Variants in ROCK1 observed in about 807,000 individuals in gnomAD.
ROCK1 encodes Rho associated coiled-coil containing protein kinase 1.
Under a neutral mutation model 196.8 loss-of-function variants are expected in ROCK1, and 36 were observed. That is an observed-to-expected ratio of 0.18 (90% CI 0.14 to 0.24). ROCK1 has a LOEUF of 0.24. ROCK1 is among the 10% of genes least tolerant of loss of function. ROCK1 has a pLI of 1.00. For synonymous variants in ROCK1, 443 were observed against 515.9 expected, an observed-to-expected ratio of 0.86 and a Z score of 1.91; for missense variants, 920 against 1,562.0, an observed-to-expected ratio of 0.59 and a Z score of 6.93.
intron 3 of ROCK1, among the ~76,000 whole-genome samples, chr18:21,049,443 T>C (rs1189846064): frequency 1.3e-5 from 2 of 152,202 alleles, no homozygotes; most frequent in Non-Finnish European, 1.5e-5. Context: ...AATTTTTATT[T>C]CCTATATTAC....
chr18:21,050,958 T>C (rs193114870), intron 2 of ROCK1, among the ~76,000 whole-genome samples: 14 of 152,238 alleles, frequency 9.2e-5, no homozygotes, highest in African/African-American at 3.4e-4. Flanking sequence ...GTTCAAACTC[T>C]AGCAAATAAA....
intron 27 of ROCK1, among the ~76,000 whole-genome samples, chr18:20,965,202 C>T (rs1264194518): frequency 6.6e-6 from 1 of 151,794 alleles, no homozygotes; most frequent in African/African-American, 2.4e-5. Context: ...CCAGCCTGGG[C>T]AATATGGTGA....
chr18:20,958,933 T>A (rs1290555186), intron 29 of ROCK1, among the ~76,000 whole-genome samples: 1 of 88,398 alleles, frequency 1.1e-5, no homozygotes, highest in Non-Finnish European at 2.1e-5. Context: ...ATATATATAT[T>A]ATATAAAAAA....
intron 1 of ROCK1, among the ~76,000 whole-genome samples, chr18:21,088,761 CT>C (rs1019259196): frequency 6.6e-6 from 1 of 151,976 alleles, no homozygotes; most frequent in Non-Finnish European, 1.5e-5. Context: ...AGTTTGGACC[CT>C]TTTTGTCCTT....
chr18:21,050,584 T>C, intron 2 of ROCK1, among the ~76,000 whole-genome samples: 1 of 152,166 alleles, frequency 6.6e-6, no homozygotes, highest in East Asian at 1.9e-4. Flanking sequence ...GGGTCAACAC[T>C]GGCATGAGAT....
rs1456759900 is a variant in ROCK1 at position 21,111,005 on chromosome 18, G to A, written c.-95C>T. 1.0e-6 allele frequency: 1 copy of A among 997,306 alleles called. No homozygotes were observed. The highest frequency in any genetic ancestry group is 1.6e-6 in the Non-Finnish European group (1 of 642,238). The allele number at this position is 997,306 out of a possible 1,614,324, so 61.8% of individuals were successfully genotyped here. On this transcript the variant is annotated 5_prime_UTR_variant, in exon 1 of 33. Coordinates refer to ENST00000399799, the MANE Select transcript of ROCK1 (RefSeq NM_005406.3). The surrounding 1 kb of genome is among the most constrained non-coding windows in gnomAD (Gnocchi z 4.2). ...CGCGGTGGGTTCGCAGCCGCGGGGC[G>A]GAGGAGCCGGAACCTCAGGGTCACC...
rs775703062 is a variant in ROCK1, at chr18:20,960,211, G to A, written c.3353-5C>T. 6.5e-6 allele frequency: 10 copies of A among 1,536,760 alleles called. No individual in the cohort carries two copies. The highest frequency in any genetic ancestry group is 3.4e-4 in the Middle Eastern group (2 of 5,942). On this transcript the variant is annotated splice_region_variant and splice_polypyrimidine_tract_variant and intron_variant, in intron 27 of 32. Coordinates refer to ENST00000399799, the MANE Select transcript of ROCK1 (RefSeq NM_005406.3). ...GCCAACCTTCAATTCTTGACTCTAG[G>A]AGAAAAAGAATATATGTATTAGTCA...
chr18:21,106,145 G>A (rs1290118658), intron 1 of ROCK1, among the ~76,000 whole-genome samples: 4 of 152,192 alleles, frequency 2.6e-5, no homozygotes, highest in Non-Finnish European at 4.4e-5. Context: ...CCGCTCACCC[G>A]TTGCTACACC....
intron 6 of ROCK1, among the ~76,000 whole-genome samples, chr18:21,043,309 T>TGA (rs2036123944): frequency 6.6e-6 from 1 of 152,080 alleles, no homozygotes; most frequent in Admixed American, 6.5e-5. Context: ...ACTGAATGTC[T>TGA]ATTTGATGTG....
chr18:21,075,969 AAAG>A (rs2143560181), intron 1 of ROCK1, among the ~76,000 whole-genome samples: 1 of 150,984 alleles, frequency 6.6e-6, no homozygotes, highest in East Asian at 2.0e-4. Context: ...AAAAAAAAGG[AAAG>A]AAAAAAAAGA....
At chr18:21,058,078 T>A (rs1030196030) in intron 2 of ROCK1, among the ~76,000 whole-genome samples, 5 of 152,182 alleles carry the variant, frequency 3.3e-5, no homozygotes, top group Admixed American at 6.5e-5. Flanking sequence ...TAGAACAAAC[T>A]GTATACAGTA....
intron 1 of ROCK1, among the ~76,000 whole-genome samples, chr18:21,094,741 C>A (rs1414403137): frequency 2.1e-4 from 13 of 60,666 alleles, no homozygotes; most frequent in African/African-American, 6.7e-4. Flanking sequence ...AAAATGAGAT[C>A]CTGTCTCAAA....
At chr18:21,079,995 T>C (rs569707592) in intron 1 of ROCK1, among the ~76,000 whole-genome samples, 3 of 152,216 alleles carry the variant, frequency 2.0e-5, no homozygotes, top group African/African-American at 4.8e-5. Context: ...GGGGAGTGCA[T>C]GTTGAAGACG....
rs544010320 is a variant in ROCK1 at position 21,007,043 on chromosome 18, A to G, written c.1547-253T>C. On this transcript the variant is annotated intron_variant, in intron 14 of 32. Transcript: ENST00000399799. ...AATCTCAAACTCCTTTATTCCCTTTATAAGATCACTGATAGTATACTTATA... is the reference window on the plus strand; with the variant it reads ...AATCTCAAACTCCTTTATTCCCTTTGTAAGATCACTGATAGTATACTTATA... 6.6e-4 allele frequency among the ~76,000 whole-genome samples: 101 copies of G among 152,248 alleles called. No homozygotes were observed. The Middle Eastern group carries it at 0.02, about 31-fold the overall frequency.
At position 21,075,103 on chromosome 18, in the gene ROCK1, C is replaced by T. The variant is rs1226190532; in HGVS notation, c.94-4490G>A. 2.0e-5 allele frequency among the ~76,000 whole-genome samples: 3 copies of T among 152,268 alleles called. No individual in the cohort carries two copies. The South Asian group carries it at 6.2e-4, about 32-fold the overall frequency. ...GAATTTACCTTCTGATAATTTGGAA[C>T]CACAGGAATTTCTGCGGGGGAGAAA... On this transcript the variant is annotated intron_variant, in intron 1 of 32. Coordinates refer to ENST00000399799, the MANE Select transcript of ROCK1 (RefSeq NM_005406.3).
intron 22 of ROCK1, among the ~76,000 whole-genome samples, chr18:20,971,332 A>ACACACC (rs1171536513): frequency 1.2e-5 from 1 of 85,714 alleles, no homozygotes; most frequent in African/African-American, 4.0e-5. Flanking sequence ...ACACACACAC[A>ACACACC]CACACACACA....
At chr18:21,085,235 C>T (rs4284728) in intron 1 of ROCK1, among the ~76,000 whole-genome samples, 150,936 of 152,042 alleles carry the variant, frequency 0.99, 74,933 homozygotes, top group East Asian at 1. Context: ...ACAGTTAAAA[C>T]GGAGGCGGAT....
intron 18 of ROCK1, among the ~76,000 whole-genome samples, chr18:20,990,326 T>C (rs1317771302): frequency 2.0e-5 from 3 of 151,722 alleles, no homozygotes; most frequent in Non-Finnish European, 4.4e-5. Context: ...AAAGGGCTAC[T>C]AAAAAACAGA....
chr18:21,022,872 GTATA>G (rs988746070), intron 11 of ROCK1, among the ~76,000 whole-genome samples: 2 of 151,970 alleles, frequency 1.3e-5, no homozygotes, highest in African/African-American at 4.8e-5. Flanking sequence ...GTGTGTGTGT[GTATA>G]TATATGTATG....
Sources: allele counts gnomAD v4.1 joint callset (sites outside exome capture counted in the v4.1 genomes callset), GRCh38; gene constraint gnomAD v4.1.1; non-coding constraint Gnocchi (gnomAD v3.1); transcripts MANE v1.5; gene names NCBI Gene and HGNC (gene_info 2026-07-23, HGNC 2026-07-21).